The following CSMD3 variants were observed in gnomAD, a reference collection of about 807,000 sequenced individuals.
The protein encoded by CSMD3 is CUB and Sushi multiple domains 3, also known as CUB and sushi domain-containing protein 3.
In CSMD3, 177 loss-of-function variants were observed where a neutral mutation model predicts 435.2. That is an observed-to-expected ratio of 0.41 (90% CI 0.36 to 0.46). The LOEUF is 0.46. CSMD3 is among the 20% of genes least tolerant of loss of function. The probability of loss-of-function intolerance (pLI) is 0.34; values close to 1 mark genes in which losing one functional copy is unlikely to be tolerated. For missense variants in CSMD3, 4,265 were observed against 4,504.6 expected, an observed-to-expected ratio of 0.95 and a Z score of 1.52; for synonymous variants, 1,656 against 1,520.5, an observed-to-expected ratio of 1.09 and a Z score of -2.07.
At chr8:112,864,020 C>T (rs2080902647) in intron 10 of CSMD3, among the ~76,000 whole-genome samples, 2 of 151,782 alleles carry the variant, frequency 1.3e-5, no homozygotes, top group Admixed American at 1.3e-4. Flanking sequence ...TTAGAGGTTC[C>T]AGGCAGGGCA....
intron 2 of CSMD3, among the ~76,000 whole-genome samples, chr8:113,285,580 G>A (rs1481138827): frequency 2.6e-5 from 4 of 152,066 alleles, no homozygotes; most frequent in Non-Finnish European, 2.9e-5. Context: ...CCTTTATAGC[G>A]AAAACTGCAC....
At chr8:112,586,343 T>A (rs1830730468) in intron 23 of CSMD3, among the ~76,000 whole-genome samples, 1 of 151,414 alleles carries the variant, frequency 6.6e-6, no homozygotes. Flanking sequence ...TAAATGTGAT[T>A]TTTGGAAGTG....
chr8:112,291,063 G>A (rs982425476), intron 56 of CSMD3, among the ~76,000 whole-genome samples: 2 of 151,928 alleles, frequency 1.3e-5, no homozygotes, highest in African/African-American at 4.8e-5. Context: ...ACAAGTATAT[G>A]TGTCTCTATA....
At chr8:112,364,494 T>G (rs62514434) in intron 38 of CSMD3, among the ~76,000 whole-genome samples, 59,819 of 151,874 alleles carry the variant, frequency 0.39, 13,264 homozygotes, top group Middle Eastern at 0.54. Context: ...GTTCAAAATG[T>G]AATTCTGCTC....
chr8:112,550,955 C>A, intron 26 of CSMD3, 82 bp from the exon 27 acceptor site: 3 of 922,192 alleles, frequency 3.3e-6, no homozygotes, highest in South Asian at 1.3e-5. Flanking sequence ...TGCATTATGC[C>A]TTTTACTAGA....
chr8:112,599,504 C>A (rs1276121622), intron 22 of CSMD3, among the ~76,000 whole-genome samples: 1 of 151,758 alleles, frequency 6.6e-6, no homozygotes, highest in Non-Finnish European at 1.5e-5. Flanking sequence ...TTTGACCCAG[C>A]CATCCCATTA....
chr8:112,671,299 T>C (rs1453621531), intron 16 of CSMD3, among the ~76,000 whole-genome samples: 13 of 152,052 alleles, frequency 8.5e-5, no homozygotes, highest in Non-Finnish European at 1.6e-4. Context: ...AGCCTCTTAC[T>C]AGTTTTATGA....
In CSMD3 at chr8:112,314,817, T is replaced by C. The variant is rs559634797; in HGVS notation, c.7361-200A>G. Reference sequence around the variant, plus strand: ...GACCTAAAAATTTATAGTATTGATTTATTTTTTATTACATGGAAGATGCAC... The same window carrying C: ...GACCTAAAAATTTATAGTATTGATTCATTTTTTATTACATGGAAGATGCAC... On this transcript the variant is annotated intron_variant, in intron 47 of 70. Transcript: ENST00000297405. 3.9e-5 allele frequency among the ~76,000 whole-genome samples: 6 copies of C among 152,184 alleles called. No homozygotes were observed. The East Asian group carries it at 1.2e-3, about 29-fold the overall frequency.
chr8:112,448,371 A>C (rs12677631), intron 32 of CSMD3, among the ~76,000 whole-genome samples: 28,215 of 152,124 alleles, frequency 0.19, 3,196 homozygotes, highest in Middle Eastern at 0.36. Context: ...GGGTGGACAC[A>C]ATTCCCACTC....
intron 8 of CSMD3, among the ~76,000 whole-genome samples, chr8:112,949,481 C>CT (rs2083732564): frequency 6.6e-6 from 1 of 151,994 alleles, no homozygotes; most frequent in Non-Finnish European, 1.5e-5. Flanking sequence ...GCTCACAACT[C>CT]TCTATATTTG....
intron 22 of CSMD3, among the ~76,000 whole-genome samples, chr8:112,587,512 G>A (rs1830832840): frequency 6.6e-6 from 1 of 151,752 alleles, no homozygotes; most frequent in Admixed American, 6.6e-5. Flanking sequence ...ATAGGAAAGG[G>A]TGAGAGCATG....
chr8:112,586,770 G>T (rs1252340336), intron 23 of CSMD3, among the ~76,000 whole-genome samples: 1 of 151,028 alleles, frequency 6.6e-6, no homozygotes, highest in Non-Finnish European at 1.5e-5. Context: ...TATTAGACAA[G>T]ATATTTGACA....
intron 9 of CSMD3, among the ~76,000 whole-genome samples, chr8:112,924,754 T>C (rs2082859006): frequency 6.6e-6 from 1 of 152,102 alleles, no homozygotes; most frequent in South Asian, 2.1e-4. Context: ...CTTAATACAC[T>C]GGGAAAAGTA....
intron 38 of CSMD3, among the ~76,000 whole-genome samples, chr8:112,374,856 T>G (rs1353621436): frequency 1.3e-5 from 2 of 152,182 alleles, no homozygotes; most frequent in African/African-American, 4.8e-5. Flanking sequence ...TGTTTGTTTA[T>G]TTTTCTCTTA....
chr8:112,311,269 T>C (rs1193863737), intron 49 of CSMD3, 103 bp from the exon 50 acceptor site: 6 of 863,360 alleles, frequency 6.9e-6, no homozygotes, highest in South Asian at 1.4e-5. Context: ...AGTAGGTCAG[T>C]GGTCATCTAT....
At chr8:112,296,974 A>G (rs1820354952) in intron 53 of CSMD3, among the ~76,000 whole-genome samples, 1 of 151,920 alleles carries the variant, frequency 6.6e-6, no homozygotes, top group African/African-American at 2.4e-5. Flanking sequence ...ATACATTTTA[A>G]CACTTCAGAA....
At chr8:112,924,743 C>T (rs549941254) in intron 9 of CSMD3, among the ~76,000 whole-genome samples, 1 of 152,092 alleles carries the variant, frequency 6.6e-6, no homozygotes, top group Non-Finnish European at 1.5e-5. Context: ...GTTCTTCTCC[C>T]CTTAATACAC....
At chr8:113,332,400 T>C (rs1449509396) in intron 1 of CSMD3, among the ~76,000 whole-genome samples, 1 of 148,688 alleles carries the variant, frequency 6.7e-6, no homozygotes, top group Non-Finnish European at 1.5e-5. Context: ...AAAAACACAC[T>C]AAAAACTGTT....
intron 11 of CSMD3, among the ~76,000 whole-genome samples, chr8:112,839,275 T>C (rs1186903701): frequency 6.6e-6 from 1 of 151,736 alleles, no homozygotes; most frequent in East Asian, 1.9e-4. Context: ...GCCTTTAATA[T>C]CTGTACACTG....
Sources: gnomAD v4.1 joint callset for allele counts (sites outside exome capture counted in the v4.1 genomes callset) on GRCh38, gnomAD v4.1.1 for gene constraint, MANE v1.5 for transcripts, NCBI Gene and HGNC (gene_info 2026-07-23, HGNC 2026-07-21) for gene names.